The following KCNT2 variants were observed in gnomAD, a reference collection of about 807,000 sequenced individuals.
The protein encoded by KCNT2 is potassium channel subfamily T member 2.
In KCNT2, 67 loss-of-function variants were observed where a neutral mutation model predicts 153.8. The ratio of observed to expected loss-of-function variants is 0.44; its 90% CI spans 0.36 to 0.53. The LOEUF (loss-of-function observed/expected upper bound fraction) is 0.53, where lower values mean the gene tolerates loss of function less well. KCNT2 is among the 20% of genes least tolerant of loss of function. KCNT2 has a pLI of 0.00. For synonymous variants in KCNT2, 500 were observed against 458.8 expected, an observed-to-expected ratio of 1.09 and a Z score of -1.15; for missense variants, 975 against 1,354.8, an observed-to-expected ratio of 0.72 and a Z score of 4.40.
At chr1:196,458,872 A>G (rs1676909627) in intron 8 of KCNT2, among the ~76,000 whole-genome samples, 1 of 151,860 alleles carries the variant, frequency 6.6e-6, no homozygotes, top group African/African-American at 2.4e-5. Flanking sequence ...TACTGGAAAA[A>G]CTTAATTAGC....
intron 1 of KCNT2, among the ~76,000 whole-genome samples, chr1:196,494,159 T>C (rs1225396742): frequency 4.6e-5 from 7 of 152,218 alleles, no homozygotes; most frequent in Non-Finnish European, 7.4e-5. Context: ...GTGTTTCCCT[T>C]GTTTATCAAA....
intron 8 of KCNT2, among the ~76,000 whole-genome samples, chr1:196,452,027 T>C (rs1423353766): frequency 6.6e-6 from 1 of 152,028 alleles, no homozygotes; most frequent in African/African-American, 2.4e-5. Context: ...ACACAGTATT[T>C]GTATTATCTG....
intron 1 of KCNT2, among the ~76,000 whole-genome samples, chr1:196,518,678 A>T (rs923545667): frequency 6.6e-6 from 1 of 151,906 alleles, no homozygotes; most frequent in African/African-American, 2.4e-5. Flanking sequence ...AAAATGATGG[A>T]AAAAAAAGCA....
chr1:196,297,798 T>G (rs1660810644), intron 22 of KCNT2, among the ~76,000 whole-genome samples: 2 of 152,288 alleles, frequency 1.3e-5, no homozygotes, highest in African/African-American at 4.8e-5. Context: ...AAAATGTAGC[T>G]TAAGTTGTCT....
intron 16 of KCNT2, among the ~76,000 whole-genome samples, chr1:196,335,350 T>C (rs904782717): frequency 6.6e-6 from 1 of 152,114 alleles, no homozygotes; most frequent in Middle Eastern, 3.2e-3. Context: ...CTAGGCTATA[T>C]GGTACATAGG....
At chr1:196,421,770 G>C (rs541571003) in intron 12 of KCNT2, among the ~76,000 whole-genome samples, 4 of 152,176 alleles carry the variant, frequency 2.6e-5, no homozygotes, top group African/African-American at 7.2e-5. Flanking sequence ...TTGTCTCACA[G>C]TTCTACAGAC....
chr1:196,342,722 C>G (rs1009136479), intron 14 of KCNT2, among the ~76,000 whole-genome samples: 2 of 151,884 alleles, frequency 1.3e-5, no homozygotes, highest in Non-Finnish European at 2.9e-5. Flanking sequence ...CTCAATTTAT[C>G]TTTGATTTTA....
chr1:196,274,559 G>A (rs1658375232), intron 25 of KCNT2, among the ~76,000 whole-genome samples: 1 of 151,534 alleles, frequency 6.6e-6, no homozygotes, highest in Admixed American at 6.6e-5. Context: ...TTTATAATAG[G>A]TAAATTTGTA....
chr1:196,386,627 A>G (rs944740956), intron 13 of KCNT2, among the ~76,000 whole-genome samples: 5 of 152,168 alleles, frequency 3.3e-5, no homozygotes, highest in Non-Finnish European at 1.5e-5. Context: ...CCATAAAAGT[A>G]CAAATACCAT....
chr1:196,563,062 T>TA (rs1007856994), intron 1 of KCNT2, among the ~76,000 whole-genome samples: 1 of 151,942 alleles, frequency 6.6e-6, no homozygotes, highest in African/African-American at 2.4e-5. Context: ...GAATAGTAAT[T>TA]ACTCTACGCC....
intron 26 of KCNT2, chr1:196,257,781 C>A: frequency 1.0e-6 from 1 of 984,032 alleles, no homozygotes; most frequent in Non-Finnish European, 1.2e-6. Flanking sequence ...TTTATAAGAA[C>A]ATTTTGGTTT....
chr1:196,264,611 A>G (rs1242907030), intron 25 of KCNT2, among the ~76,000 whole-genome samples: 1 of 151,822 alleles, frequency 6.6e-6, no homozygotes, highest in Non-Finnish European at 1.5e-5. Flanking sequence ...CCCAATATAT[A>G]TATTTTTTTA....
At chr1:196,309,671 T>C (rs1661975040) in intron 21 of KCNT2, among the ~76,000 whole-genome samples, 2 of 151,910 alleles carry the variant, frequency 1.3e-5, no homozygotes, top group Non-Finnish European at 2.9e-5. Context: ...CTATTACTTG[T>C]ATTCAGTTAT....
At chr1:196,400,574 G>A (rs774938782) in intron 12 of KCNT2, among the ~76,000 whole-genome samples, 59 of 151,698 alleles carry the variant, frequency 3.9e-4, no homozygotes, top group Non-Finnish European at 7.4e-5. Context: ...TTCTTATTAT[G>A]TGTATCATCT....
chr1:196,562,430 C>T (rs1231450510), intron 1 of KCNT2, among the ~76,000 whole-genome samples: 1 of 151,804 alleles, frequency 6.6e-6, no homozygotes, highest in Non-Finnish European at 1.5e-5. Context: ...GTTTTGCAGG[C>T]TAACTTTGAA....
intron 14 of KCNT2, among the ~76,000 whole-genome samples, chr1:196,368,348 C>A (rs1407105746): frequency 1.3e-5 from 2 of 152,076 alleles, no homozygotes; most frequent in Admixed American, 1.3e-4. Flanking sequence ...AAAATTTAAA[C>A]ATTAAAAGCA....
chr1:196,543,115 G>A (rs1188732377), intron 1 of KCNT2, among the ~76,000 whole-genome samples: 1 of 152,020 alleles, frequency 6.6e-6, no homozygotes, highest in Non-Finnish European at 1.5e-5. Flanking sequence ...ATATAGTTGT[G>A]GTAGTCTTGA....
intron 8 of KCNT2, among the ~76,000 whole-genome samples, chr1:196,457,078 T>C (rs1292884873): frequency 3.3e-5 from 5 of 151,926 alleles, no homozygotes; most frequent in Non-Finnish European, 7.4e-5. Flanking sequence ...CCAAACTTTG[T>C]ATTCCATATT....
intron 1 of KCNT2, among the ~76,000 whole-genome samples, chr1:196,581,000 A>G (rs999604997): frequency 2.6e-5 from 4 of 152,124 alleles, no homozygotes; most frequent in Non-Finnish European, 4.4e-5. Context: ...TTTGGCAAGA[A>G]CATTTTTTAA....
Sources: allele counts gnomAD v4.1 joint callset (sites outside exome capture counted in the v4.1 genomes callset), GRCh38; gene constraint gnomAD v4.1.1; transcripts MANE v1.5; gene names NCBI Gene and HGNC (gene_info 2026-07-23, HGNC 2026-07-21).